CEP76: variants seen among roughly 807,000 people sequenced by gnomAD.
The protein encoded by CEP76 is centrosomal protein of 76 kDa.
Under a neutral mutation model 83.3 loss-of-function variants are expected in CEP76, and 55 were observed. The observed-to-expected ratio is 0.66, with a 90% CI of 0.53 to 0.83. The LOEUF is 0.83. Ranked by LOEUF, CEP76 falls within the 40% of genes least tolerant of loss-of-function variation. CEP76 has a pLI of 0.00. For missense variants in CEP76, 694 were observed against 799.5 expected, an observed-to-expected ratio of 0.87 and a Z score of 1.59; for synonymous variants, 270 against 274.5, an observed-to-expected ratio of 0.98 and a Z score of 0.16.
chr18:12,693,060 G>A (rs1007788726), intron 6 of CEP76, among the ~76,000 whole-genome samples: 20 of 152,146 alleles, frequency 1.3e-4, no homozygotes, highest in Admixed American at 1.2e-3. Context: ...CTGGCCTGAA[G>A]TGATCCTCTT....
At chr18:12,665,133 T>C (rs2038778209) in intron 12 of CEP76, 1 of 152,232 alleles carries the variant, frequency 6.6e-6, no homozygotes, top group African/African-American at 2.4e-5. Context: ...CTCATTTCTC[T>C]TCCAAGGTGA....
chr18:12,686,954 C>G (rs2039561151), intron 7 of CEP76, among the ~76,000 whole-genome samples: 1 of 152,072 alleles, frequency 6.6e-6, no homozygotes, highest in South Asian at 2.1e-4. Flanking sequence ...ATTTGTTAAC[C>G]AAGTCAATTG....
downstream of CEP76, among the ~76,000 whole-genome samples, chr18:12,667,779 AAAAG>A (rs1387509770): frequency 4.1e-5 from 6 of 147,986 alleles, no homozygotes; most frequent in Non-Finnish European, 9.0e-5. Flanking sequence ...AAAAAAAAAG[AAAAG>A]AAAAGAAAAT....
intron 8 of CEP76, chr18:12,685,123 C>T (rs1299117157): frequency 1.3e-5 from 2 of 152,118 alleles, no homozygotes; most frequent in Non-Finnish European, 2.9e-5. Context: ...GCCTCAGCCT[C>T]CTCAGTAGCT....
intron 8 of CEP76, among the ~76,000 whole-genome samples, chr18:12,681,833 A>G (rs2039359502): frequency 1.3e-5 from 2 of 152,074 alleles, no homozygotes. Flanking sequence ...AGACCTATAA[A>G]AAAATAGAAA....
chr18:12,686,438 T>C lies in CEP76; in HGVS notation c.946A>G (p.Ile316Val), dbSNP rs1355325702. ...VKIFAQDENG[I>V]NRPVCSYVKP... ...ACATAGGAACAGACTGGTCTATTTA[T>C]CCCATTTTCATCCTAGGGAAAAGGG... Residue 316 changes from isoleucine (I) to valine (V), a missense_variant, in exon 8 of 12, where the codon ATA becomes GTA. Physicochemically the swap from Ile to Val is conservative, Grantham distance 29 (BLOSUM62 3). Coordinates refer to ENST00000262127, the MANE Select transcript of CEP76 (RefSeq NM_024899.4). 1 of 1,609,300 alleles carries C rather than the reference T, an allele frequency of 6.2e-7. No homozygotes were observed. The highest frequency in any genetic ancestry group is 2.2e-5 in the East Asian group (1 of 44,862).
At chr18:12,665,906 A>G (rs762562335) in intron 12 of CEP76, among the ~76,000 whole-genome samples, 8 of 152,192 alleles carry the variant, frequency 5.3e-5, no homozygotes, top group Non-Finnish European at 1.2e-4. Flanking sequence ...CATGTTGGCC[A>G]GGCTGGTCTT....
chr18:12,669,403 C>T (rs564052294), downstream of CEP76, among the ~76,000 whole-genome samples: 7 of 152,026 alleles, frequency 4.6e-5, no homozygotes, highest in Admixed American at 2.0e-4. Context: ...TGAGCCACCG[C>T]GCCTGGCCCC....
rs142832499 is a variant in CEP76, at chr18:12,678,132, G to A, written c.1600C>T (p.Leu534Phe). 1.9e-4 allele frequency: 313 copies of A among 1,612,836 alleles called. No homozygotes were observed. In the African/African-American group the frequency reaches 4.0e-3, roughly 21 times the overall value. The change falls in exon 10 of 12, where the codon CTC (leucine) becomes TTC (phenylalanine). Residue 534 changes from leucine to phenylalanine, a missense_variant. Physicochemically the swap from Leu to Phe is conservative, Grantham distance 22. Coordinates refer to ENST00000262127, the MANE Select transcript of CEP76 (RefSeq NM_024899.4). The stretch of plus-strand genomic sequence containing the variant: ...ACCTTCCTGTGTTCTGACACCAGGA[G>A]CCTCAGCTGCATTTCAATTTCATTA... ...TSNEIEMQLR[L>F]LVSEHRKDLG...
In CEP76 at chr18:12,677,394, C is replaced by T. The variant is rs114611909; in HGVS notation, c.1623+715G>A. Among the ~76,000 whole-genome samples, 1,012 of 146,582 alleles carry T rather than the reference C, an allele frequency of 6.9e-3. 15 individuals are homozygous for T. Among genetic ancestry groups the T allele is most frequent in the African/African-American group, 0.023 (913 of 39,616 alleles). Reference sequence around the variant, plus strand: ...TAGAGGTTGCAGTGAACCAAGATCACGCCACTGTGCCAAGATCACGCCACT... The same window carrying T: ...TAGAGGTTGCAGTGAACCAAGATCATGCCACTGTGCCAAGATCACGCCACT... On this transcript the variant is annotated intron_variant, in intron 10 of 11. Coordinates refer to ENST00000262127, the MANE Select transcript of CEP76 (RefSeq NM_024899.4).
At chr18:12,694,457 G>T (rs1339693906) in intron 6 of CEP76, among the ~76,000 whole-genome samples, 2 of 152,062 alleles carry the variant, frequency 1.3e-5, no homozygotes, top group East Asian at 1.9e-4. Flanking sequence ...CCAATGTGAA[G>T]GAATGAAAAA....
At chr18:12,679,228 G>T (rs1183943207) in intron 9 of CEP76, 2 of 152,152 alleles carry the variant, frequency 1.3e-5, no homozygotes, top group African/African-American at 4.8e-5. Flanking sequence ...GAAGAAAGAA[G>T]TGAGACAGCC....
chr18:12,691,832 C>T (rs1246851359), intron 6 of CEP76, among the ~76,000 whole-genome samples: 1 of 151,926 alleles, frequency 6.6e-6, no homozygotes, highest in Non-Finnish European at 1.5e-5. Flanking sequence ...TCTCCTGCCT[C>T]AGCCTCCTGA....
chr18:12,671,506 C>G (rs1216781131), downstream of CEP76, among the ~76,000 whole-genome samples: 6 of 150,900 alleles, frequency 4.0e-5, no homozygotes, highest in Non-Finnish European at 8.9e-5. Context: ...GCAATCAAAC[C>G]CCTCATATCA....
chr18:12,701,716 T>C (rs2040157133), intron 1 of CEP76, among the ~76,000 whole-genome samples: 1 of 152,152 alleles, frequency 6.6e-6, no homozygotes, highest in Non-Finnish European at 1.5e-5. Context: ...AGCTCCGAAA[T>C]ATTAACAAAT....
In CEP76 at chr18:12,691,528, T is replaced by A. The variant is rs528367917; in HGVS notation, c.805-41A>T. ...AATATTTTTCAATTTCTATTCATTA[T>A]CTTTAATTACTACAAAATATGTAGC... On this transcript the variant is annotated intron_variant, in intron 6 of 11. Coordinates refer to ENST00000262127, the MANE Select transcript of CEP76 (RefSeq NM_024899.4). 25 of 1,448,784 alleles carry A rather than the reference T, an allele frequency of 1.7e-5. No individual in the cohort carries two copies. The South Asian group carries it at 2.9e-4, about 17-fold the overall frequency. The allele number at this position is 1,448,784 out of a possible 1,614,324, so 89.7% of individuals were successfully genotyped here. A position where few individuals can be genotyped will look rare whatever the true frequency, so the allele number is the denominator to read the frequency against.
rs747028413 is a variant in CEP76, at chr18:12,680,650, T to C, written c.1289+12A>G. 1 of 1,551,902 alleles carries C rather than the reference T, an allele frequency of 6.4e-7. No homozygotes were observed. Among genetic ancestry groups the C allele is most frequent in the Admixed American group, 2.0e-5 (1 of 50,498 alleles). On this transcript the variant is annotated intron_variant, in intron 9 of 11. Coordinates refer to ENST00000262127, the MANE Select transcript of CEP76 (RefSeq NM_024899.4). ...CTTCATTTTAATATCCTTATAAACTTAGTAAACTAACCTGTGTCCTGTTAA... is the reference window on the plus strand; with the variant it reads ...CTTCATTTTAATATCCTTATAAACTCAGTAAACTAACCTGTGTCCTGTTAA...
At chr18:12,691,276 C>T in intron 7 of CEP76, 83 bp downstream of exon 7, 1 of 872,832 alleles carries the variant, frequency 1.1e-6, no homozygotes, top group East Asian at 3.0e-5. Context: ...ATACATTTTA[C>T]AAATAAATAT....
chr18:12,668,613 A>T (rs1391433880), downstream of CEP76, among the ~76,000 whole-genome samples: 1 of 59,972 alleles, frequency 1.7e-5, no homozygotes, highest in African/African-American at 5.4e-5. Flanking sequence ...AAAAAAAAAA[A>T]AAAAAAAAAA....
Sources: allele counts gnomAD v4.1 joint callset (sites outside exome capture counted in the v4.1 genomes callset), GRCh38; gene constraint gnomAD v4.1.1; transcripts MANE v1.5; gene names NCBI Gene and HGNC (gene_info 2026-07-23, HGNC 2026-07-21).